Variants in MAGI1 observed in about 807,000 individuals in gnomAD.
MAGI1 encodes membrane associated guanylate kinase, WW and PDZ domain containing 1.
Under a neutral mutation model 139.9 loss-of-function variants are expected in MAGI1, and 58 were observed. That is an observed-to-expected ratio of 0.41 (90% CI 0.34 to 0.52). The LOEUF (loss-of-function observed/expected upper bound fraction) is 0.52, where lower values mean the gene tolerates loss of function less well. MAGI1 is among the 20% of genes least tolerant of loss of function. The pLI, the probability that MAGI1 is intolerant of heterozygous loss-of-function variation, is 0.12. For synonymous variants in MAGI1, 812 were observed against 737.9 expected (o/e 1.10, Z -1.63); for missense variants, 1,874 against 1,901.6 (o/e 0.99, Z 0.27).
At chr3:65,687,603 T>C (rs983905893) in intron 1 of MAGI1, 8 of 395,826 alleles carry the variant, frequency 2.0e-5, no homozygotes, top group African/African-American at 1.7e-4. Flanking sequence ...TTGAAGAAGT[T>C]GGATAGGTGG....
At chr3:65,981,557 T>C (rs2065582553) in intron 1 of MAGI1, among the ~76,000 whole-genome samples, 1 of 152,202 alleles carries the variant, frequency 6.6e-6, no homozygotes, top group Admixed American at 6.5e-5. Flanking sequence ...ATTAGATATA[T>C]GTGGTTAGTA....
chr3:65,410,270 A>T (rs969257590), intron 12 of MAGI1, among the ~76,000 whole-genome samples: 2 of 152,210 alleles, frequency 1.3e-5, no homozygotes, highest in Non-Finnish European at 2.9e-5. Context: ...AAAAATAACT[A>T]AAAAGTATTC....
At position 65,365,056 on chromosome 3, in the gene MAGI1, C is replaced by T. The variant is rs9823362; in HGVS notation, c.3197-110G>A. 618 of 868,596 alleles carry T rather than the reference C, an allele frequency of 7.1e-4. 4 individuals carry two copies. In the African/African-American group the frequency reaches 8.9e-3, roughly 13 times the overall value. The allele number at this position is 868,596 out of a possible 1,614,324, so 53.8% of individuals were successfully genotyped here. A position where few individuals can be genotyped will look rare whatever the true frequency, so the allele number is the denominator to read the frequency against. ...GAATAACAAGTGTGACTTCTCTGTC[C>T]CCATTTCAAGCAGTCTGACTTGAAT... is the stretch of plus-strand genomic sequence containing the variant. On this transcript the variant is annotated intron_variant, in intron 18 of 22. Coordinates refer to ENST00000402939, the MANE Select transcript of MAGI1 (RefSeq NM_001033057.2).
At chr3:65,526,515 A>G (rs867244677) in intron 2 of MAGI1, among the ~76,000 whole-genome samples, 2 of 152,224 alleles carry the variant, frequency 1.3e-5, no homozygotes, top group Non-Finnish European at 2.9e-5. Context: ...AGCTGCCATT[A>G]TGACAGTATT....
intron 1 of MAGI1, among the ~76,000 whole-genome samples, chr3:65,932,209 TC>T (rs1344824940): frequency 6.6e-6 from 1 of 152,122 alleles, no homozygotes; most frequent in African/African-American, 2.4e-5. Context: ...ACATTTTCTC[TC>T]CCAACCAACA....
intron 1 of MAGI1, among the ~76,000 whole-genome samples, chr3:65,934,126 C>CA (rs1394573916): frequency 2.0e-5 from 3 of 151,570 alleles, no homozygotes; most frequent in South Asian, 2.1e-4. Context: ...CTGTCTCAAA[C>CA]AAAAAACAAA....
chr3:65,519,915 G>A (rs1430031344), intron 2 of MAGI1, among the ~76,000 whole-genome samples: 2 of 152,210 alleles, frequency 1.3e-5, no homozygotes, highest in Admixed American at 1.3e-4. Context: ...ATGGTGCTGT[G>A]TTACTTCCAT....
rs1944888720 is a variant in MAGI1, at chr3:65,401,474, G to C, written c.2168-4C>G. ...CTCTTCTTGGGAACTGGCAGCCCTG[G>C]AAAAAATGCAACAAGGAGGGGAGGG... On this transcript the variant is annotated splice_polypyrimidine_tract_variant and splice_region_variant and intron_variant, in intron 12 of 22. Transcript: ENST00000402939. 1.2e-6 allele frequency: 2 copies of C among 1,611,486 alleles called. No individual in the cohort carries two copies. The highest frequency in any genetic ancestry group is 1.7e-6 in the Non-Finnish European group (2 of 1,179,028).
chr3:65,824,212 A>G (rs1266956556), intron 1 of MAGI1, among the ~76,000 whole-genome samples: 3 of 152,234 alleles, frequency 2.0e-5, no homozygotes, highest in Non-Finnish European at 4.4e-5. Context: ...GGAACTTGAC[A>G]TAATTTCAGG....
intron 12 of MAGI1, among the ~76,000 whole-genome samples, chr3:65,416,419 G>T (rs7615097): frequency 6.6e-6 from 1 of 152,012 alleles, no homozygotes; most frequent in African/African-American, 2.4e-5. Context: ...ATCACAAAAA[G>T]GGTCTATTAG....
chr3:65,752,865 C>A (rs1475210339), intron 1 of MAGI1, among the ~76,000 whole-genome samples: 2 of 152,196 alleles, frequency 1.3e-5, no homozygotes, highest in Non-Finnish European at 2.9e-5. Context: ...AATCTTTCTA[C>A]CTCTGATATC....
intron 2 of MAGI1, among the ~76,000 whole-genome samples, chr3:65,608,172 T>A (rs1210601948): frequency 6.6e-6 from 1 of 151,620 alleles, no homozygotes; most frequent in Non-Finnish European, 1.5e-5. Flanking sequence ...CCGGGTGGAG[T>A]GGCTCATGCC....
chr3:65,728,430 A>G (rs989601822), intron 1 of MAGI1, among the ~76,000 whole-genome samples: 1 of 152,186 alleles, frequency 6.6e-6, no homozygotes, highest in African/African-American at 2.4e-5. Flanking sequence ...TTTCAGCAGG[A>G]AAGTGCTATG....
At chr3:65,470,106 G>A (rs944989432) in intron 5 of MAGI1, 177 bp downstream of exon 5, 5 of 535,856 alleles carry the variant, frequency 9.3e-6, no homozygotes, top group African/African-American at 1.9e-5. Context: ...GTTGAGAATC[G>A]ATAAGTTGGT....
chr3:65,934,474 C>A (rs1412250736), intron 1 of MAGI1, among the ~76,000 whole-genome samples: 1 of 151,834 alleles, frequency 6.6e-6, no homozygotes, highest in Admixed American at 6.6e-5. Context: ...TAAAGGCTTA[C>A]CTTCAGGTGG....
intron 5 of MAGI1, among the ~76,000 whole-genome samples, chr3:65,463,066 C>T (rs1575844797): frequency 6.6e-6 from 1 of 152,148 alleles, no homozygotes; most frequent in African/African-American, 2.4e-5. Flanking sequence ...CATCTGCAAA[C>T]AGAGATAATT....
chr3:65,772,541 C>A (rs936682788), intron 1 of MAGI1, among the ~76,000 whole-genome samples: 1 of 152,172 alleles, frequency 6.6e-6, no homozygotes, highest in Non-Finnish European at 1.5e-5. Flanking sequence ...GGGAGGGACA[C>A]CTCTTTCCCT....
chr3:65,729,434 C>T (rs2033966899), intron 1 of MAGI1, among the ~76,000 whole-genome samples: 1 of 152,098 alleles, frequency 6.6e-6, no homozygotes, highest in African/African-American at 2.4e-5. Context: ...GGGTATAATA[C>T]TATGCACAGT....
At chr3:65,916,405 G>T (rs1220194320) in intron 1 of MAGI1, among the ~76,000 whole-genome samples, 1 of 152,096 alleles carries the variant, frequency 6.6e-6, no homozygotes, top group Non-Finnish European at 1.5e-5. Flanking sequence ...AGGTTTAATG[G>T]ACTCACAGTT....
Sources: allele counts gnomAD v4.1 joint callset (sites outside exome capture counted in the v4.1 genomes callset), GRCh38; gene constraint gnomAD v4.1.1; transcripts MANE v1.5; gene names NCBI Gene and HGNC (gene_info 2026-07-23, HGNC 2026-07-21).